RNLS: variants seen among roughly 807,000 people sequenced by gnomAD.
RNLS encodes renalase, FAD dependent amine oxidase, also known as renalase.
In RNLS, 39 loss-of-function variants were observed where a neutral mutation model predicts 39.8. That is an observed-to-expected ratio of 0.98 (90% confidence interval 0.76 to 1.28). The LOEUF (loss-of-function observed/expected upper bound fraction) is 1.28. RNLS is among the 50% of genes most tolerant of loss of function. RNLS has a pLI of 0.00. For missense variants in RNLS, 410 were observed against 413.3 expected (o/e 0.99, Z 0.07); for synonymous variants, 147 against 150.7 (o/e 0.98, Z 0.18).
the RNLS span, among the ~76,000 whole-genome samples, chr10:88,211,823 A>AAACTGAT: frequency 6.6e-6 from 1 of 152,166 alleles, no homozygotes; most frequent in African/African-American, 2.4e-5. Context: ...GCAGGAGAGG[A>AAACTGAT]AACTGATAAG....
At chr10:88,457,916 G>A (rs992876280) in intron 4 of RNLS, among the ~76,000 whole-genome samples, 6 of 152,172 alleles carry the variant, frequency 3.9e-5, no homozygotes, top group African/African-American at 1.4e-4. Flanking sequence ...GGTGCCAAGC[G>A]TGTCCTACCT....
chr10:88,359,128 C>A (rs1301773771), intron 5 of RNLS, among the ~76,000 whole-genome samples: 1 of 152,050 alleles, frequency 6.6e-6, no homozygotes, highest in Admixed American at 6.6e-5. Flanking sequence ...GACTGGCCAA[C>A]TTGGTGAAGC....
intron 6 of RNLS, among the ~76,000 whole-genome samples, chr10:88,313,173 A>G (rs537463564): frequency 6.6e-6 from 1 of 152,346 alleles, no homozygotes; most frequent in Admixed American, 6.5e-5. Flanking sequence ...TTTTATTAAC[A>G]CATCAAATTT....
chr10:88,317,429 GA>G (rs1845842151), intron 5 of RNLS, among the ~76,000 whole-genome samples: 1 of 152,170 alleles, frequency 6.6e-6, no homozygotes, highest in Non-Finnish European at 1.5e-5. Flanking sequence ...CTCCACTGTT[GA>G]AAGAGCAGCT....
At chr10:88,306,626 C>A (rs1844936457) in intron 6 of RNLS, among the ~76,000 whole-genome samples, 1 of 151,972 alleles carries the variant, frequency 6.6e-6, no homozygotes, top group Non-Finnish European at 1.5e-5. Context: ...AAGACTAAAC[C>A]AGGAAGAAAC....
intron 4 of RNLS, among the ~76,000 whole-genome samples, chr10:88,432,905 GA>G (rs893233572): frequency 1.4e-4 from 22 of 152,062 alleles, no homozygotes; most frequent in African/African-American, 5.3e-4. Flanking sequence ...GCTGAAGTGA[GA>G]TTTTTTTCAA....
chr10:88,435,606 C>T (rs968424000), intron 4 of RNLS, among the ~76,000 whole-genome samples: 5 of 152,036 alleles, frequency 3.3e-5, no homozygotes, highest in African/African-American at 1.2e-4. Flanking sequence ...AACATTAATG[C>T]ATCTGGAATT....
At chr10:88,419,603 TTAAAC>T (rs1252234532) in intron 4 of RNLS, among the ~76,000 whole-genome samples, 2 of 152,366 alleles carry the variant, frequency 1.3e-5, no homozygotes, top group East Asian at 3.9e-4. Context: ...GAAAAAACTA[TTAAAC>T]TATTCAGTTG....
At chr10:88,225,170 C>T in the RNLS span, among the ~76,000 whole-genome samples, 2 of 152,214 alleles carry the variant, frequency 1.3e-5, no homozygotes, top group South Asian at 4.1e-4. Flanking sequence ...TATATGCCTC[C>T]TACTATCTCA....
At chr10:88,275,125 A>G in intron 6 of RNLS, 1 of 986,252 alleles carries the variant, frequency 1.0e-6, no homozygotes, top group African/African-American at 1.6e-5. Flanking sequence ...CTTTGCTTTC[A>G]CGGAACATAT....
At chr10:88,542,889 C>G (rs992222378) in intron 4 of RNLS, among the ~76,000 whole-genome samples, 1 of 152,144 alleles carries the variant, frequency 6.6e-6, no homozygotes, top group East Asian at 1.9e-4. Flanking sequence ...GCTCCAGGTT[C>G]TCATGAGACA....
chr10:88,236,207 G>A, the RNLS span, among the ~76,000 whole-genome samples: 1 of 152,156 alleles, frequency 6.6e-6, no homozygotes, highest in African/African-American at 2.4e-5. Flanking sequence ...AAAAGCCCTG[G>A]CTTCTTTAAG....
chr10:88,172,842 G>GT, the RNLS span, among the ~76,000 whole-genome samples: 185 of 43,736 alleles, frequency 4.2e-3, 34 homozygotes, highest in East Asian at 0.014. Flanking sequence ...ATTTTGAGTT[G>GT]TTTTTTTTTT....
At chr10:88,270,503 C>T (rs1318951253), downstream of RNLS, among the ~76,000 whole-genome samples, 1 of 152,182 alleles carries the variant, frequency 6.6e-6, no homozygotes, top group African/African-American at 2.4e-5. Flanking sequence ...CCAGAGTTTC[C>T]TTCAGGTGCT....
chr10:88,313,560 T>C (rs1032319351), intron 6 of RNLS, among the ~76,000 whole-genome samples: 2 of 152,212 alleles, frequency 1.3e-5, no homozygotes, highest in Admixed American at 6.5e-5. Context: ...GCTACAATAT[T>C]TTAGGAAATA....
At chr10:88,327,032 A>G (rs1392374922) in intron 5 of RNLS, among the ~76,000 whole-genome samples, 5 of 152,162 alleles carry the variant, frequency 3.3e-5, no homozygotes, top group African/African-American at 1.2e-4. Flanking sequence ...GGGAGCATTT[A>G]TCCAATGCCT....
intron 6 of RNLS, among the ~76,000 whole-genome samples, chr10:88,300,382 C>A (rs1844427239): frequency 6.6e-6 from 1 of 152,164 alleles, no homozygotes; most frequent in Admixed American, 6.5e-5. Context: ...ATGGCAAAGA[C>A]CAAGTTCAAT....
chr10:88,450,014 G>A (rs1464765687), intron 4 of RNLS, among the ~76,000 whole-genome samples: 2 of 151,390 alleles, frequency 1.3e-5, no homozygotes, highest in Non-Finnish European at 2.9e-5. Flanking sequence ...CTCTTGATTT[G>A]TAAGAGCTGG....
rs143114558 is a variant in RNLS, at chr10:88,425,922, C to G, written c.527-63197G>C. Among the ~76,000 whole-genome samples the G allele has an allele frequency of 1.1e-4, 16 of 151,952 alleles. No individual in the cohort carries two copies. In the East Asian group the frequency reaches 3.1e-3, roughly 29 times the overall value. ...GGAGTAGGGGGTCAATGAACTGTGG[C>G]AGGAATGATAAAATTAGGGAGGGAG... On this transcript the variant is annotated intron_variant, in intron 4 of 6. Transcript: ENST00000331772.
Sources: allele counts gnomAD v4.1 joint callset (sites outside exome capture counted in the v4.1 genomes callset), GRCh38; gene constraint gnomAD v4.1.1; transcripts MANE v1.5; gene names NCBI Gene and HGNC (gene_info 2026-07-23, HGNC 2026-07-21).